The following DPP10 variants were observed in gnomAD, a reference collection of about 807,000 sequenced individuals.
The protein encoded by DPP10 is inactive dipeptidyl peptidase 10.
DPP10 carries 33 observed loss-of-function variants against 120.9 expected under a neutral mutation model. The ratio of observed to expected loss-of-function variants is 0.27; its 90% CI spans 0.21 to 0.37. The LOEUF (loss-of-function observed/expected upper bound fraction) is 0.37, where lower values mean the gene tolerates loss of function less well. DPP10 is among the 10% of genes least tolerant of loss of function. The pLI is 1.00. For missense variants in DPP10, 816 were observed against 942.8 expected, an observed-to-expected ratio of 0.87 and a Z score of 1.76; for synonymous variants, 337 against 326.1, an observed-to-expected ratio of 1.03 and a Z score of -0.36.
intron 1 of DPP10, among the ~76,000 whole-genome samples, chr2:114,820,726 G>A (rs924903962): frequency 3.3e-5 from 5 of 152,142 alleles, no homozygotes; most frequent in African/African-American, 9.7e-5. Context: ...AGAACAGCAT[G>A]GGGGAACTGC....
intron 1 of DPP10, among the ~76,000 whole-genome samples, chr2:115,216,265 C>T (rs771262885): frequency 5.3e-5 from 8 of 151,816 alleles, no homozygotes; most frequent in African/African-American, 7.3e-5. Context: ...CGATGTAACC[C>T]GGTAACAAAA....
intron 3 of DPP10, among the ~76,000 whole-genome samples, chr2:115,387,820 A>G (rs1004669876): frequency 6.6e-6 from 1 of 152,178 alleles, no homozygotes; most frequent in African/African-American, 2.4e-5. Flanking sequence ...TCACATTATA[A>G]TTTACTGGAG....
intron 2 of DPP10, among the ~76,000 whole-genome samples, chr2:115,334,244 T>TTTTTTTTTTTTTTTTTTTTTTTTTTTC (rs2062980056): frequency 6.9e-6 from 1 of 143,966 alleles, no homozygotes; most frequent in Non-Finnish European, 1.5e-5. Flanking sequence ...TTTTTTTTTT[T>TTTTTTTTTTTTTTTTTTTTTTTTTTTC]TTAAGAAACC....
intron 3 of DPP10, among the ~76,000 whole-genome samples, chr2:115,385,740 A>G (rs1421873062): frequency 6.6e-6 from 1 of 152,240 alleles, no homozygotes; most frequent in East Asian, 1.9e-4. Context: ...TTGAGTTTTT[A>G]TTTCTGACAG....
chr2:114,569,354 G>C (rs1313031626), intron 1 of DPP10, among the ~76,000 whole-genome samples: 1 of 152,154 alleles, frequency 6.6e-6, no homozygotes, highest in East Asian at 1.9e-4. Context: ...GGGAAATCTG[G>C]AGTGAGTGCA....
At chr2:114,768,791 A>G (rs17786067) in intron 1 of DPP10, among the ~76,000 whole-genome samples, 3,715 of 152,304 alleles carry the variant, frequency 0.024, 86 homozygotes, top group South Asian at 0.092. Context: ...AAAGGACTCC[A>G]AAATGGGCAA....
At chr2:115,288,862 C>T (rs1574306095) in intron 1 of DPP10, among the ~76,000 whole-genome samples, 1 of 152,046 alleles carries the variant, frequency 6.6e-6, no homozygotes, top group Non-Finnish European at 1.5e-5. Flanking sequence ...AAGTTGAAAG[C>T]ATTCCTCTTA....
chr2:115,042,878 TAATC>T (rs1254849870), intron 1 of DPP10, among the ~76,000 whole-genome samples: 2 of 152,216 alleles, frequency 1.3e-5, no homozygotes, highest in African/African-American at 4.8e-5. Flanking sequence ...TTGCAGCTAA[TAATC>T]AAGGACTCTG....
chr2:114,689,703 T>A (rs115082204), intron 1 of DPP10, among the ~76,000 whole-genome samples: 4,211 of 152,188 alleles, frequency 0.028, 95 homozygotes, highest in Middle Eastern at 0.055. Flanking sequence ...CCACCAACAG[T>A]GTGAAAGCAT....
intron 3 of DPP10, among the ~76,000 whole-genome samples, chr2:115,425,694 G>A (rs2070390790): frequency 6.6e-6 from 1 of 152,136 alleles, no homozygotes; most frequent in Non-Finnish European, 1.5e-5. Context: ...TTCAGTAATT[G>A]ATAGTGTATT....
intron 1 of DPP10, among the ~76,000 whole-genome samples, chr2:115,126,343 C>A (rs2050083537): frequency 6.6e-6 from 1 of 152,072 alleles, no homozygotes; most frequent in South Asian, 2.1e-4. Flanking sequence ...CTCAAGCAAT[C>A]CACCCGCCTC....
chr2:115,318,940 C>T (rs1247697168), intron 2 of DPP10, among the ~76,000 whole-genome samples: 5 of 152,074 alleles, frequency 3.3e-5, no homozygotes, highest in Non-Finnish European at 5.9e-5. Context: ...CTAGAATTTC[C>T]AGTACAATGC....
intron 1 of DPP10, among the ~76,000 whole-genome samples, chr2:115,013,618 A>C (rs867324983): frequency 2.6e-4 from 40 of 151,734 alleles, no homozygotes; most frequent in African/African-American, 4.1e-4. Context: ...ATAGGCTCAA[A>C]ATAAAGGGAT....
chr2:115,207,842 C>T (rs2056251057), intron 1 of DPP10, among the ~76,000 whole-genome samples: 1 of 151,896 alleles, frequency 6.6e-6, no homozygotes, highest in Non-Finnish European at 1.5e-5. Context: ...TGAAAGATCA[C>T]ACAGTATAGT....
intron 5 of DPP10, among the ~76,000 whole-genome samples, chr2:115,648,612 T>TAA (rs771052298): frequency 1.3e-4 from 18 of 137,992 alleles, no homozygotes; most frequent in East Asian, 2.1e-4. Context: ...CCCCGGAACT[T>TAA]AAAAAAAAAA....
At chr2:114,641,215 ATTC>A (rs1695681416) in intron 1 of DPP10, among the ~76,000 whole-genome samples, 1 of 151,940 alleles carries the variant, frequency 6.6e-6, no homozygotes, top group South Asian at 2.1e-4. Flanking sequence ...TTTGTTTTTC[ATTC>A]TTCTTTCCAT....
chr2:114,884,403 C>A (rs1052960394), intron 1 of DPP10, among the ~76,000 whole-genome samples: 2 of 152,062 alleles, frequency 1.3e-5, no homozygotes, highest in Non-Finnish European at 2.9e-5. Flanking sequence ...CTAAGGACTC[C>A]AGGGGAGAAT....
chr2:114,965,752 G>A (rs1254001728), intron 1 of DPP10, among the ~76,000 whole-genome samples: 7 of 151,842 alleles, frequency 4.6e-5, no homozygotes, highest in Non-Finnish European at 8.8e-5. Flanking sequence ...GCCGAGGTGG[G>A]CGGATCACGA....
chr2:115,623,081 GTGATCCGCCCGC>G (rs1337322044), intron 5 of DPP10, among the ~76,000 whole-genome samples: 3 of 151,940 alleles, frequency 2.0e-5, no homozygotes, highest in Admixed American at 1.3e-4. Context: ...TCCTGACCTC[GTGATCCGCCCGC>G]CTCGGCCTCC....
Sources: gnomAD v4.1 joint callset for allele counts (sites outside exome capture counted in the v4.1 genomes callset) on GRCh38, gnomAD v4.1.1 for gene constraint, MANE v1.5 for transcripts, NCBI Gene and HGNC (gene_info 2026-07-23, HGNC 2026-07-21) for gene names.